The following ABCC9 variants were observed in gnomAD, a reference collection of about 807,000 sequenced individuals.
ABCC9 encodes ATP-binding cassette sub-family C member 9.
ABCC9 carries 95 observed loss-of-function variants against 188.3 expected under a neutral mutation model. The observed-to-expected ratio is 0.50, with a 90% CI of 0.43 to 0.60. The LOEUF is 0.60. Ranked by LOEUF, ABCC9 falls within the 20% of genes least tolerant of loss-of-function variation. The probability of loss-of-function intolerance (pLI) is 0.00; values close to 1 mark genes in which losing one functional copy is unlikely to be tolerated. For missense variants in ABCC9, 1,102 were observed against 1,876.3 expected (o/e 0.59, Z 7.62); for synonymous variants, 659 against 652.7 (o/e 1.01, Z -0.15).
At chr12:21,814,975 G>A (rs916632082) in intron 34 of ABCC9, among the ~76,000 whole-genome samples, 1 of 152,098 alleles carries the variant, frequency 6.6e-6, no homozygotes, top group Non-Finnish European at 1.5e-5. Context: ...TTGAGGCCAG[G>A]AGTTTGAGAC....
chr12:21,917,248 T>C (rs1948635135), intron 5 of ABCC9, 145 bp from the exon 6 acceptor site: 4 of 872,488 alleles, frequency 4.6e-6, no homozygotes, highest in Admixed American at 2.2e-5. Flanking sequence ...GAAAACAACA[T>C]ATATGATTTA....
At chr12:21,920,806 C>T (rs1321415139) in intron 5 of ABCC9, among the ~76,000 whole-genome samples, 3 of 151,902 alleles carry the variant, frequency 2.0e-5, no homozygotes, top group Admixed American at 6.6e-5. Context: ...CACAAATAAG[C>T]GAGAATATGA....
rs1007588126 is a variant in ABCC9 at position 21,898,792 on chromosome 12, G to GA, written c.1619-3478dup. 1.3e-4 allele frequency among the ~76,000 whole-genome samples: 20 copies of GA among 152,188 alleles called. No individual in the cohort carries two copies. The East Asian group carries it at 3.7e-3, about 28-fold the overall frequency. ...GAGAATACTCAGTCATACTTTGAGGGAAAAAACAATATTTTTGTAACAGTT... is the reference window on the plus strand; with the variant it reads ...GAGAATACTCAGTCATACTTTGAGGGAAAAAAACAATATTTTTGTAACAGTT... On this transcript the variant is annotated intron_variant, in intron 12 of 39. Transcript: ENST00000261200.
intron 22 of ABCC9, 57 bp from the exon 23 acceptor site, chr12:21,852,562 A>C: frequency 3.8e-6 from 6 of 1,586,200 alleles, no homozygotes; most frequent in Non-Finnish European, 5.1e-6. Context: ...TACATAACTC[A>C]ATTCCTCTCG....
At chr12:21,848,785 C>T (rs566680425) in intron 24 of ABCC9, among the ~76,000 whole-genome samples, 3 of 152,106 alleles carry the variant, frequency 2.0e-5, no homozygotes, top group African/African-American at 7.2e-5. Flanking sequence ...AGGTAGAGAA[C>T]GTTGAAGAAA....
At chr12:21,904,565 C>G (rs1947938222) in intron 12 of ABCC9, among the ~76,000 whole-genome samples, 1 of 152,152 alleles carries the variant, frequency 6.6e-6, no homozygotes, top group Non-Finnish European at 1.5e-5. Flanking sequence ...CTACAAAGAA[C>G]TCAAACAAAT....
At chr12:21,816,160 T>C (rs1247950904) in intron 33 of ABCC9, among the ~76,000 whole-genome samples, 2 of 149,416 alleles carry the variant, frequency 1.3e-5, no homozygotes, top group Admixed American at 6.7e-5. Context: ...TTTGGAGCCT[T>C]AACCATCATC....
At chr12:21,871,490 C>A (rs928523829) in intron 18 of ABCC9, among the ~76,000 whole-genome samples, 6 of 152,116 alleles carry the variant, frequency 3.9e-5, no homozygotes, top group African/African-American at 1.4e-4. Context: ...ATTTCACAAC[C>A]AAGAATTTTT....
At chr12:21,810,044 G>T in intron 36 of ABCC9, 89 bp from the exon 37 acceptor site, 2 of 852,042 alleles carry the variant, frequency 2.3e-6, no homozygotes, top group Non-Finnish European at 1.9e-6. Context: ...TCCTTACAAT[G>T]TAAGTTCCAT....
At chr12:21,801,872 C>T (rs927764141) in intron 39 of ABCC9, among the ~76,000 whole-genome samples, 3 of 152,190 alleles carry the variant, frequency 2.0e-5, no homozygotes, top group Admixed American at 2.0e-4. Context: ...GGTGTTATGT[C>T]TCTCCACTTT....
At chr12:21,895,669 A>G (rs191951280) in intron 12 of ABCC9, among the ~76,000 whole-genome samples, 2 of 152,332 alleles carry the variant, frequency 1.3e-5, no homozygotes, top group African/African-American at 4.8e-5. Context: ...TGTTTAGTCC[A>G]CTAAACTAAT....
At chr12:21,846,244 A>T (rs1411029128) in intron 25 of ABCC9, among the ~76,000 whole-genome samples, 1 of 152,192 alleles carries the variant, frequency 6.6e-6, no homozygotes, top group Non-Finnish European at 1.5e-5. Context: ...TGTGCATAGC[A>T]CAAGAGGGCA....
intron 16 of ABCC9, among the ~76,000 whole-genome samples, chr12:21,878,175 T>A (rs1946457709): frequency 6.6e-6 from 1 of 152,182 alleles, no homozygotes; most frequent in Non-Finnish European, 1.5e-5. Flanking sequence ...TTAAATTATA[T>A]GTGTGGTATC....
At chr12:21,856,586 T>C (rs1033107160) in intron 22 of ABCC9, among the ~76,000 whole-genome samples, 1 of 152,194 alleles carries the variant, frequency 6.6e-6, no homozygotes, top group Non-Finnish European at 1.5e-5. Flanking sequence ...AAAAATTTAT[T>C]TAGAGCAAAA....
chr12:21,912,556 T>A (rs2137888103), intron 8 of ABCC9, among the ~76,000 whole-genome samples: 1 of 152,102 alleles, frequency 6.6e-6, no homozygotes, highest in South Asian at 2.1e-4. Flanking sequence ...TTTAAAGAGT[T>A]CCTATAAAGA....
chr12:21,829,959 A>G (rs1040996163), intron 30 of ABCC9, among the ~76,000 whole-genome samples: 14 of 152,212 alleles, frequency 9.2e-5, no homozygotes, highest in African/African-American at 2.9e-4. Flanking sequence ...GGATGGGGAC[A>G]CTAGAGATGA....
At chr12:21,820,081 AT>A (rs1159919494) in intron 31 of ABCC9, among the ~76,000 whole-genome samples, 7 of 151,940 alleles carry the variant, frequency 4.6e-5, no homozygotes, top group African/African-American at 1.7e-4. Context: ...AGCAATATGA[AT>A]TTTTTCCTTT....
Position 21,806,066 on chromosome 12 carries a change from A to G in ABCC9, c.4450-6T>C, listed in dbSNP as rs746141453. 6.9e-7 allele frequency: 1 copy of G among 1,441,108 alleles called. No homozygotes were observed. The highest frequency in any genetic ancestry group is 1.6e-5 in the African/African-American group (1 of 61,784). 89.3% of individuals were successfully genotyped at this position (1,441,108 alleles called of 1,614,324 possible). On this transcript the variant is annotated splice_polypyrimidine_tract_variant and splice_region_variant and intron_variant, in intron 38 of 39. Coordinates refer to ENST00000261200, the MANE Select transcript of ABCC9 (RefSeq NM_020297.4). ...ACTTTTTGCAAAATATTCTCCTGCA[A>G]AAAAAAAAAAGTGTAAATTTTCTCG...
At chr12:21,838,351 G>A (rs1944209739) in intron 29 of ABCC9, among the ~76,000 whole-genome samples, 181 bp from the exon 30 acceptor site, 1 of 152,178 alleles carries the variant, frequency 6.6e-6, no homozygotes, top group South Asian at 2.1e-4. Flanking sequence ...AGAGAAAGAT[G>A]GGTATATAAT....
Sources: gnomAD v4.1 joint callset for allele counts (sites outside exome capture counted in the v4.1 genomes callset) on GRCh38, gnomAD v4.1.1 for gene constraint, MANE v1.5 for transcripts, NCBI Gene and HGNC (gene_info 2026-07-23, HGNC 2026-07-21) for gene names.